GPR137: variants seen among roughly 807,000 people sequenced by gnomAD.
The protein encoded by GPR137 is integral membrane protein GPR137.
GPR137 carries 20 observed loss-of-function variants against 38.9 expected under a neutral mutation model. That is an observed-to-expected ratio of 0.51 (90% CI 0.36 to 0.75). The LOEUF is 0.75. GPR137 is among the 30% of genes least tolerant of loss of function. The pLI, the probability that GPR137 is intolerant of heterozygous loss-of-function variation, is 0.00. For synonymous variants in GPR137, 226 were observed against 235.8 expected, an observed-to-expected ratio of 0.96 and a Z score of 0.38; for missense variants, 456 against 526.4, an observed-to-expected ratio of 0.87 and a Z score of 1.31.
upstream of GPR137, chr11:64,284,523 C>T: frequency 1.3e-6 from 2 of 1,537,374 alleles, no homozygotes; most frequent in Non-Finnish European, 1.7e-6. Context: ...TCTGCCGGGT[C>T]TGGCCTGGCA....
upstream of GPR137, among the ~76,000 whole-genome samples, chr11:64,275,402 C>T (rs942595462): frequency 6.6e-6 from 1 of 152,176 alleles, no homozygotes; most frequent in Non-Finnish European, 1.5e-5. Flanking sequence ...TGGCCACATT[C>T]CTGCTCTGAC....
chr11:64,280,150 T>C (rs1313507399), upstream of GPR137, among the ~76,000 whole-genome samples: 2 of 151,022 alleles, frequency 1.3e-5, no homozygotes, highest in African/African-American at 2.4e-5. Context: ...ACCCCATCTC[T>C]ACTAAAAACA....
At chr11:64,283,740 C>G (rs1565352540), upstream of GPR137, among the ~76,000 whole-genome samples, 1 of 152,176 alleles carries the variant, frequency 6.6e-6, no homozygotes, top group South Asian at 2.1e-4. Context: ...TTTTCCTTTT[C>G]GGATCACTGC....
At chr11:64,271,899 C>T, upstream of GPR137, 3 of 1,059,704 alleles carry the variant, frequency 2.8e-6, no homozygotes, top group Non-Finnish European at 3.6e-6. Flanking sequence ...TGCAGGCCCA[C>T]TCGTGGGTCT....
At chr11:64,280,204 G>A (rs180935436), upstream of GPR137, among the ~76,000 whole-genome samples, 3,467 of 149,628 alleles carry the variant, frequency 0.023, 148 homozygotes, top group African/African-American at 0.081. Context: ...GCTGTAGTCC[G>A]AGCTACTCTG....
upstream of GPR137, chr11:64,285,162 C>T: frequency 1.0e-6 from 1 of 991,142 alleles, no homozygotes. Context: ...GGTGCCCGGT[C>T]GGAAAGTCCC....
rs1451505093 is a variant in GPR137 at position 64,289,120 on chromosome 11, C to T, written c.1115C>T (p.Thr372Ile). 6.2e-7 allele frequency: 1 copy of T among 1,613,278 alleles called. No individual in the cohort carries two copies. The highest frequency in any genetic ancestry group is 1.7e-5 in the Admixed American group (1 of 60,012). The change falls in exon 7 of 7, where the codon ACC becomes ATC. Residue 372 changes from threonine (T) to isoleucine (I), a missense_variant. By Grantham distance (89) the Thr-to-Ile change is moderately conservative. Transcript: ENST00000438980. ...PGWYGGSQTK[T>I]TPLLFSQVPG... is the part of the protein sequence containing the mutation. ...TGGTATGGGGGCAGCCAGACGAAGA[C>T]CACTCCTCTGCTCTTCTCCCAGGTG...
At chr11:64,285,034 A>T, upstream of GPR137, 4 of 1,176,282 alleles carry the variant, frequency 3.4e-6, no homozygotes, top group Non-Finnish European at 4.3e-6. Flanking sequence ...CCCGGGAGCC[A>T]GTGAAAACTT....
At chr11:64,282,495 G>C (rs1478314935), upstream of GPR137, among the ~76,000 whole-genome samples, 4 of 152,182 alleles carry the variant, frequency 2.6e-5, no homozygotes, top group Admixed American at 6.5e-5. Context: ...AGCTGTTCTG[G>C]AGGCTGAGGC....
chr11:64,281,869 C>T (rs971533300), upstream of GPR137, among the ~76,000 whole-genome samples: 6 of 152,148 alleles, frequency 3.9e-5, no homozygotes, highest in Non-Finnish European at 7.3e-5. Context: ...TATAGGTGCG[C>T]GCCACCATGC....
chr11:64,282,463 G>A (rs906902444), upstream of GPR137, among the ~76,000 whole-genome samples: 1 of 152,128 alleles, frequency 6.6e-6, no homozygotes, highest in African/African-American at 2.4e-5. Flanking sequence ...GAGCTGGTGT[G>A]GTGGCATGCA....
In GPR137 at chr11:64,287,849, G is replaced by A; in HGVS notation, c.536G>A (p.Ser179Asn). ...WALLLVRVLV[S>N]DSLFVICALS... Reference sequence around the variant, plus strand: ...CTGCTGCTTGTCCGCGTCCTGGTGAGCGACTCCCTGTTCGTCATCTGCGCG... The same window carrying A: ...CTGCTGCTTGTCCGCGTCCTGGTGAACGACTCCCTGTTCGTCATCTGCGCG... The change falls in exon 3 of 7, where the codon AGC (serine) becomes AAC (asparagine). Residue 179 changes from serine to asparagine, a missense_variant. Physicochemically the swap from Ser to Asn is conservative, Grantham distance 46. Coordinates refer to ENST00000438980, the MANE Select transcript of GPR137 (RefSeq NM_001170880.2). The A allele has an allele frequency of 3.1e-6, 5 of 1,605,422 alleles. No homozygotes were observed. Among genetic ancestry groups the A allele is most frequent in the Non-Finnish European group, 4.2e-6 (5 of 1,179,932 alleles).
rs966049904 is a variant in GPR137, at chr11:64,286,030, C to G, written c.-495C>G. The G allele has an allele frequency of 6.7e-5, 66 of 986,288 alleles. No homozygotes were observed. The African/African-American group carries it at 1.1e-3, about 16-fold the overall frequency. The allele number at this position is 986,288 out of a possible 1,614,324, so 61.1% of individuals were successfully genotyped here. On this transcript the variant is annotated 5_prime_UTR_variant, in exon 1 of 7. Coordinates refer to ENST00000438980, the MANE Select transcript of GPR137 (RefSeq NM_001170880.2). ...ATTACGAGGACAGGAGGCAGAGGCC[C>G]TCCCCATCCGCATTATTGGAGGAGA...
upstream of GPR137, chr11:64,284,830 C>T: frequency 3.9e-6 from 6 of 1,522,014 alleles, no homozygotes; most frequent in African/African-American, 2.8e-5. Flanking sequence ...GCTCCTCGTC[C>T]GCATCCTTTT....
In GPR137 at chr11:64,287,847, G is replaced by A; in HGVS notation, c.534G>A (p.Val178=). ...CCCTGCTGCTTGTCCGCGTCCTGGT[G>A]AGCGACTCCCTGTTCGTCATCTGCG... ...PWALLLVRVL[V]SDSLFVICAL... The change falls in exon 3 of 7, where the codon GTG becomes GTA. Residue 178 remains valine (V), a synonymous_variant. Transcript: ENST00000438980. 1 of 1,605,668 alleles carries A rather than the reference G, an allele frequency of 6.2e-7. No homozygotes were observed. The highest frequency in any genetic ancestry group is 8.5e-7 in the Non-Finnish European group (1 of 1,179,956).
chr11:64,289,340 A>G lies in GPR137; in HGVS notation c.*144A>G, dbSNP rs755506702. On this transcript the variant is annotated 3_prime_UTR_variant, in exon 7 of 7. Coordinates refer to ENST00000438980, the MANE Select transcript of GPR137 (RefSeq NM_001170880.2). The stretch of plus-strand genomic sequence containing the variant: ...TGGCCGGCTCCTTGCTGCTCCTGTC[A>G]TAGTGAGCTTGTGCCGTCCCCCTAG... The G allele has an allele frequency of 6.2e-7, 1 of 1,602,678 alleles. No individual in the cohort carries two copies. The highest frequency in any genetic ancestry group is 1.1e-5 in the South Asian group (1 of 89,184).
rs1356252288 is a variant in GPR137, at chr11:64,278,323, A to T, written c.-16+1902A>T. 4.0e-5 allele frequency among the ~76,000 whole-genome samples: 6 copies of T among 151,360 alleles called. 1 individual carries two copies. Among genetic ancestry groups the T allele is most frequent in the African/African-American group, 1.5e-4 (6 of 41,348 alleles). ...GGTTGCTGCGAGGCGAGATTGCACC[A>T]CTGCACTCCAGCCTGGGCGACAGAG... On this transcript the variant is annotated intron_variant, in intron 2 of 2. Transcript: ENST00000538244.
chr11:64,281,257 C>T (rs1333554836), upstream of GPR137, among the ~76,000 whole-genome samples: 3 of 152,300 alleles, frequency 2.0e-5, 1 homozygote, highest in South Asian at 4.1e-4. Flanking sequence ...TGAGCCACCG[C>T]GCCCAGCCTA....
upstream of GPR137, chr11:64,271,771 T>C: frequency 7.2e-7 from 1 of 1,390,932 alleles, no homozygotes. Flanking sequence ...GGGTAGGAGC[T>C]GTGGCGACTC....
Sources: allele counts gnomAD v4.1 joint callset (sites outside exome capture counted in the v4.1 genomes callset), GRCh38; gene constraint gnomAD v4.1.1; transcripts MANE v1.5; gene names NCBI Gene and HGNC (gene_info 2026-07-23, HGNC 2026-07-21).